The following HELQ variants were observed in gnomAD, a reference collection of about 807,000 sequenced individuals.
HELQ encodes the protein helicase, POLQ like.
In HELQ, 77 loss-of-function variants were observed where a neutral mutation model predicts 111.6. The observed-to-expected ratio is 0.69, with a 90% CI of 0.57 to 0.83. The LOEUF (loss-of-function observed/expected upper bound fraction) is 0.83, where lower values mean the gene tolerates loss of function less well. Ranked by LOEUF, HELQ falls within the 40% of genes least tolerant of loss-of-function variation. The pLI, the probability that HELQ is intolerant of heterozygous loss-of-function variation, is 0.00. For synonymous variants in HELQ, 438 were observed against 454.7 expected (o/e 0.96, Z 0.47); for missense variants, 1,200 against 1,288.5 (o/e 0.93, Z 1.05).
intron 17 of HELQ, among the ~76,000 whole-genome samples, chr4:83,409,015 T>A (rs1454762585): frequency 4.6e-5 from 7 of 151,962 alleles, no homozygotes; most frequent in Admixed American, 3.3e-4. Flanking sequence ...AGCTCAGCCA[T>A]GAGAGGAAGA....
At chr4:83,430,292 CAAAAT>C (rs1355841743) in intron 11 of HELQ, among the ~76,000 whole-genome samples, 2 of 144,480 alleles carry the variant, frequency 1.4e-5, no homozygotes, top group East Asian at 4.1e-4. Context: ...AAACAAAAAA[CAAAAT>C]AAATTAAAAA....
At chr4:83,434,115 C>CA (rs1225426372) in intron 9 of HELQ, among the ~76,000 whole-genome samples, 1 of 151,670 alleles carries the variant, frequency 6.6e-6, no homozygotes, top group East Asian at 1.9e-4. Flanking sequence ...TCACACCTGT[C>CA]AATCTAGCAC....
chr4:83,453,340 A>C lies in HELQ; in HGVS notation c.903T>G (p.Val301=), dbSNP rs1721504702. Residue 301 remains valine (V), a synonymous_variant, in exon 2 of 18, where the codon GTT becomes GTG. Coordinates refer to ENST00000295488, the MANE Select transcript of HELQ (RefSeq NM_133636.5). The part of the protein sequence containing the change: ...KDTLLSEEIN[V]AKKTVESSSN... ...ATGATGACTCAACTGTTTTCTTAGC[A>C]ACATTAATTTCCTCAGATAGGAGAG... The C allele has an allele frequency of 1.2e-6, 2 of 1,613,506 alleles. No individual in the cohort carries two copies. The highest frequency in any genetic ancestry group is 3.3e-5 in the Admixed American group (2 of 59,882).
chr4:83,427,312 T>C (rs1427450116), intron 13 of HELQ, among the ~76,000 whole-genome samples: 6 of 152,158 alleles, frequency 3.9e-5, no homozygotes, highest in African/African-American at 1.2e-4. Context: ...AAATATCCAA[T>C]TCCAAATATA....
chr4:83,415,279 A>G (rs1031931144), intron 17 of HELQ, among the ~76,000 whole-genome samples: 1 of 152,182 alleles, frequency 6.6e-6, no homozygotes, highest in Admixed American at 6.5e-5. Context: ...TACAGATAAA[A>G]GCAACAGAAA....
chr4:83,448,640 A>G (rs1265320801), intron 3 of HELQ, 143 bp downstream of exon 3: 6 of 674,190 alleles, frequency 8.9e-6, no homozygotes, highest in East Asian at 5.8e-5. Flanking sequence ...ACTGCACTCC[A>G]ACCTGGGTGA....
At chr4:83,420,799 G>A (rs1397359759) in intron 15 of HELQ, among the ~76,000 whole-genome samples, 1 of 152,028 alleles carries the variant, frequency 6.6e-6, no homozygotes, top group Non-Finnish European at 1.5e-5. Flanking sequence ...TTAGCCAGGT[G>A]TGGTGGCACA....
rs778171517 is a variant in HELQ, at chr4:83,427,760, CAG to C, written c.2519-42_2519-41del. 4 of 1,378,868 alleles carry C rather than the reference CAG, an allele frequency of 2.9e-6. No homozygotes were observed. The South Asian group carries it at 4.9e-5, about 17-fold the overall frequency. The allele number at this position is 1,378,868 out of a possible 1,614,324, so 85.4% of individuals were successfully genotyped here. On this transcript the variant is annotated intron_variant, in intron 12 of 17. Coordinates refer to ENST00000295488, the MANE Select transcript of HELQ (RefSeq NM_133636.5). The stretch of plus-strand genomic sequence containing the variant: ...CAAATATTCAATCTTTCACAATTAC[CAG>C]AGGGGCAAAGAGATGGCTTTAAATA...
chr4:83,442,514 C>T (rs968427700), intron 6 of HELQ, among the ~76,000 whole-genome samples: 6 of 150,072 alleles, frequency 4.0e-5, no homozygotes, highest in Non-Finnish European at 8.8e-5. Context: ...TGGGTTCAAG[C>T]GATTCTCCTG....
intron 12 of HELQ, among the ~76,000 whole-genome samples, chr4:83,428,833 AAATG>A (rs151306256): frequency 0.037 from 5,582 of 152,176 alleles, 333 homozygotes; most frequent in African/African-American, 0.13. Flanking sequence ...AGAATAATAT[AAATG>A]ATTATTTGTT....
intron 8 of HELQ, 101 bp from the exon 9 acceptor site, chr4:83,437,198 G>A (rs1720505659): frequency 1.1e-5 from 12 of 1,119,106 alleles, no homozygotes; most frequent in Non-Finnish European, 1.4e-5. Flanking sequence ...ATTCTTTAAT[G>A]TACTATTTCC....
intron 17 of HELQ, among the ~76,000 whole-genome samples, chr4:83,410,798 G>A (rs1328639047): frequency 6.6e-6 from 1 of 152,034 alleles, no homozygotes; most frequent in South Asian, 2.1e-4. Context: ...GTCTTGAAAT[G>A]AGATCATTCC....
chr4:83,453,836 T>C lies in HELQ; in HGVS notation c.407A>G (p.His136Arg), dbSNP rs377232683. 4.3e-6 allele frequency: 7 copies of C among 1,614,140 alleles called. No individual in the cohort carries two copies. Among genetic ancestry groups the C allele is most frequent in the East Asian group, 4.5e-5 (2 of 44,892 alleles). ...GGCAAAGTCTGTAGCATGTTTCTTA[T>C]GTTCAGGGAGTTGCATATATTTTTG... ...LEQKYMQLPE[H>R]KKHATDFATE... The change falls in exon 2 of 18, where the codon CAT becomes CGT. Residue 136 changes from histidine to arginine, a missense_variant. Coordinates refer to ENST00000295488, the MANE Select transcript of HELQ (RefSeq NM_133636.5).
Position 83,436,962 on chromosome 4 carries a change from T to G in HELQ, c.1944A>C (p.Thr648=). Residue 648 remains threonine, a synonymous_variant, in exon 9 of 18, where the codon ACA becomes ACC. Transcript: ENST00000295488. The part of the protein sequence containing the change: ...FGVAYHHSGL[T]SDERKLLEEA... ...CCTCCAAGAGTTTCCTTTCATCACT[T>G]GTTAAGCCACTGTGGTGATAGGCAA... 6.2e-7 allele frequency: 1 copy of G among 1,614,182 alleles called. No individual in the cohort carries two copies. Among genetic ancestry groups the G allele is most frequent in the Non-Finnish European group, 8.5e-7 (1 of 1,180,020 alleles).
intron 10 of HELQ, 70 bp downstream of exon 10, chr4:83,432,056 T>A (rs1313257719): frequency 4.1e-6 from 4 of 973,420 alleles, no homozygotes; most frequent in Non-Finnish European, 5.9e-6. Flanking sequence ...TAAAAGATGA[T>A]TTCATAAAAG....
intron 17 of HELQ, among the ~76,000 whole-genome samples, chr4:83,411,704 A>C (rs1739111933): frequency 6.6e-6 from 1 of 152,024 alleles, no homozygotes; most frequent in Admixed American, 6.5e-5. Context: ...GTGCAGTGGC[A>C]TGATCATAGC....
chr4:83,440,735 T>A (rs1215603119), intron 7 of HELQ, among the ~76,000 whole-genome samples: 2 of 152,216 alleles, frequency 1.3e-5, no homozygotes, highest in East Asian at 3.9e-4. Flanking sequence ...TTGTTGTTGT[T>A]GTATGAATAA....
intron 9 of HELQ, among the ~76,000 whole-genome samples, chr4:83,434,983 A>G (rs1472510490): frequency 1.3e-5 from 2 of 152,206 alleles, no homozygotes; most frequent in African/African-American, 4.8e-5. Flanking sequence ...GATTAAAAGC[A>G]TCCACCCAAG....
At chr4:83,427,912 A>T (rs942043048) in intron 12 of HELQ, among the ~76,000 whole-genome samples, 192 bp from the exon 13 acceptor site, 1 of 152,192 alleles carries the variant, frequency 6.6e-6, no homozygotes, top group African/African-American at 2.4e-5. Context: ...ATACCTTCTG[A>T]ACCAACTATT....
Sources: allele counts gnomAD v4.1 joint callset (sites outside exome capture counted in the v4.1 genomes callset), GRCh38; gene constraint gnomAD v4.1.1; transcripts MANE v1.5; gene names NCBI Gene and HGNC (gene_info 2026-07-23, HGNC 2026-07-21).